The following MMP26 variants were observed in gnomAD, a reference collection of about 807,000 sequenced individuals.
The protein encoded by MMP26 is matrix metallopeptidase 26.
In MMP26, 33 loss-of-function variants were observed where a neutral mutation model predicts 31.0. The ratio of observed to expected loss-of-function variants is 1.06; its 90% confidence interval spans 0.81 to 1.42. MMP26 has a LOEUF of 1.42. Ranked by LOEUF, MMP26 falls within the 40% of genes most tolerant of loss-of-function variation. MMP26 has a pLI of 0.00. For missense variants in MMP26, 347 were observed against 316.1 expected, an observed-to-expected ratio of 1.10 and a Z score of -0.74; for synonymous variants, 122 against 114.9, an observed-to-expected ratio of 1.06 and a Z score of -0.40.
chr11:4,722,937 T>C (rs1459668759), intron 1 of MMP26: 1 of 783,442 alleles, frequency 1.3e-6, no homozygotes, highest in African/African-American at 1.7e-5. Context: ...GCATAGACAC[T>C]GGTGGTCTTT....
At chr11:4,795,017 A>G (rs1849086478) in intron 2 of MMP26, 1 of 152,252 alleles carries the variant, frequency 6.6e-6, no homozygotes, top group Non-Finnish European at 1.5e-5. Context: ...GTATGAATGA[A>G]TCAGACTAGC....
At chr11:4,771,181 A>G (rs566777771) in intron 2 of MMP26, among the ~76,000 whole-genome samples, 1 of 152,334 alleles carries the variant, frequency 6.6e-6, no homozygotes, top group Admixed American at 6.5e-5. Flanking sequence ...CGGAGGTTAA[A>G]AATGTAGCAG....
chr11:4,822,433 G>C, intron 2 of MMP26: 3 of 1,392,572 alleles, frequency 2.2e-6, no homozygotes, highest in Non-Finnish European at 2.8e-6. Flanking sequence ...CTACAATGGA[G>C]TAATTGTCCC....
intron 2 of MMP26, chr11:4,882,133 G>T: frequency 6.2e-7 from 1 of 1,613,794 alleles, no homozygotes; most frequent in Non-Finnish European, 8.5e-7. Flanking sequence ...TGACCATTAC[G>T]ACCCTTCCCA....
chr11:4,986,712 T>C (rs1455193498), intron 2 of MMP26, among the ~76,000 whole-genome samples: 2 of 148,454 alleles, frequency 1.3e-5, no homozygotes, highest in Non-Finnish European at 3.0e-5. Flanking sequence ...TTTGTATTTT[T>C]AGTAGAGACG....
chr11:4,984,720 A>G lies in MMP26; in HGVS notation c.-144-3348A>G, dbSNP rs74054440. 3.1e-3 allele frequency among the ~76,000 whole-genome samples: 477 copies of G among 152,284 alleles called. 3 individuals are homozygous for G. Among genetic ancestry groups the G allele is most frequent in the African/African-American group, 0.011 (458 of 41,576 alleles). On this transcript the variant is annotated intron_variant, in intron 2 of 7. Coordinates refer to ENST00000380390, the MANE Select transcript of MMP26 (RefSeq NM_021801.5). ...TTAGTAAATTTGTCAATTGACAAATATAAATTGTGTATAGTTATTGTGTAC... is the reference window on the plus strand; with the variant it reads ...TTAGTAAATTTGTCAATTGACAAATGTAAATTGTGTATAGTTATTGTGTAC...
intron 2 of MMP26, among the ~76,000 whole-genome samples, chr11:4,856,280 T>C (rs1367884691): frequency 6.6e-6 from 1 of 152,030 alleles, no homozygotes. Context: ...GACTGGCAAA[T>C]TGGATAAACA....
intron 2 of MMP26, among the ~76,000 whole-genome samples, chr11:4,809,369 G>T (rs962326805): frequency 8.5e-5 from 13 of 152,156 alleles, no homozygotes; most frequent in Admixed American, 7.9e-4. Flanking sequence ...GTGGTTACAA[G>T]AACTGTATTA....
intron 2 of MMP26, chr11:4,908,449 T>C (rs980234979): frequency 1.3e-6 from 1 of 748,416 alleles, no homozygotes; most frequent in Non-Finnish European, 2.3e-6. Context: ...TATAATAAAG[T>C]TGAGAATATA....
intron 2 of MMP26, among the ~76,000 whole-genome samples, chr11:4,774,267 T>A (rs1848762964): frequency 6.6e-6 from 1 of 152,186 alleles, no homozygotes; most frequent in Non-Finnish European, 1.5e-5. Flanking sequence ...GCATTCCTAT[T>A]TCTCCACGAC....
intron 2 of MMP26, among the ~76,000 whole-genome samples, chr11:4,778,921 T>C (rs74052306): frequency 0.012 from 1,814 of 152,192 alleles, 34 homozygotes; most frequent in African/African-American, 0.042. Context: ...ATACTGTTTT[T>C]TGTATCCAGT....
chr11:4,967,680 T>C (rs1446286624), intron 2 of MMP26, among the ~76,000 whole-genome samples: 1 of 152,152 alleles, frequency 6.6e-6, no homozygotes, highest in Non-Finnish European at 1.5e-5. Context: ...TCTAAGTACA[T>C]CATTCTCAAA....
At chr11:4,802,284 A>G (rs1348522827) in intron 2 of MMP26, among the ~76,000 whole-genome samples, 1 of 152,184 alleles carries the variant, frequency 6.6e-6, no homozygotes, top group Non-Finnish European at 1.5e-5. Flanking sequence ...TCCCTATTCT[A>G]TCCCCACCTT....
intron 2 of MMP26, among the ~76,000 whole-genome samples, chr11:4,784,114 T>C (rs1848902796): frequency 6.6e-6 from 1 of 152,216 alleles, no homozygotes; most frequent in Non-Finnish European, 1.5e-5. Context: ...GATCAATTAC[T>C]ATAATTCAAA....
In MMP26 at chr11:4,990,646, T is replaced by C; in HGVS notation, c.369T>C (p.Ser123=). The C allele has an allele frequency of 4.3e-6, 7 of 1,614,072 alleles. No individual in the cohort carries two copies. Among genetic ancestry groups the C allele is most frequent in the Non-Finnish European group, 5.1e-6 (6 of 1,179,948 alleles). Residue 123 remains serine, a synonymous_variant, in exon 5 of 8, where the codon AGT becomes AGC. Coordinates refer to ENST00000380390, the MANE Select transcript of MMP26 (RefSeq NM_021801.5). ...HDMKPSAVKD[S]IYNAVSIWSN... ...TGAAGCCATCCGCAGTGAAAGACAGTATATATAATGCAGTTTCCATCTGGA... is the reference window on the plus strand; with the variant it reads ...TGAAGCCATCCGCAGTGAAAGACAGCATATATAATGCAGTTTCCATCTGGA...
At chr11:4,854,712 T>C (rs915530074) in intron 2 of MMP26, among the ~76,000 whole-genome samples, 1 of 152,002 alleles carries the variant, frequency 6.6e-6, no homozygotes, top group Non-Finnish European at 1.5e-5. Flanking sequence ...TTGAAGAGAG[T>C]AGTGGTTATC....
intron 2 of MMP26, among the ~76,000 whole-genome samples, chr11:4,965,152 A>G (rs1421357897): frequency 6.6e-6 from 1 of 152,154 alleles, no homozygotes; most frequent in African/African-American, 2.4e-5. Flanking sequence ...AGATATGACC[A>G]GCCACTTTTA....
At chr11:4,938,957 G>A (rs1273545441) in intron 2 of MMP26, among the ~76,000 whole-genome samples, 1 of 152,068 alleles carries the variant, frequency 6.6e-6, no homozygotes, top group African/African-American at 2.4e-5. Flanking sequence ...TTTCTCCCCA[G>A]TATTAGCATA....
At chr11:4,752,587 T>C (rs1461863773) in intron 1 of MMP26, 1 of 152,208 alleles carries the variant, frequency 6.6e-6, no homozygotes, top group East Asian at 1.9e-4. Context: ...GTAGCATATC[T>C]TAAAGGGTTA....
Sources: gnomAD v4.1 joint callset for allele counts (sites outside exome capture counted in the v4.1 genomes callset) on GRCh38, gnomAD v4.1.1 for gene constraint, MANE v1.5 for transcripts, NCBI Gene and HGNC (gene_info 2026-07-23, HGNC 2026-07-21) for gene names.